Variants in LIPK observed in about 807,000 individuals in gnomAD.
LIPK encodes lipase family member K, also known as lipase member K.
A neutral mutation model predicts 48.6 loss-of-function variants in LIPK; 32 were observed. The ratio of observed to expected loss-of-function variants is 0.66; its 90% confidence interval spans 0.50 to 0.88. LIPK has a LOEUF of 0.88. LIPK is among the 40% of genes least tolerant of loss of function. LIPK has a pLI of 0.00. For synonymous variants in LIPK, 164 were observed against 157.4 expected (o/e 1.04, Z -0.32); for missense variants, 507 against 478.5 (o/e 1.06, Z -0.56).
rs761033487 is a variant in LIPK at position 88,743,720 on chromosome 10, G to A, written c.960+399G>A. ...AGAAGAAAGGCATTGAGAGTGAATGGAGGTAGGATGTGGAGCCTGGGCTAG... is the reference window on the plus strand; with the variant it reads ...AGAAGAAAGGCATTGAGAGTGAATGAAGGTAGGATGTGGAGCCTGGGCTAG... On this transcript the variant is annotated intron_variant, in intron 9 of 9. Coordinates refer to ENST00000404190, the MANE Select transcript of LIPK (RefSeq NM_001080518.2). Among the ~76,000 whole-genome samples, 4 of 152,310 alleles carry A rather than the reference G, an allele frequency of 2.6e-5. No individual in the cohort carries two copies. In the East Asian group the frequency reaches 7.7e-4, roughly 29 times the overall value.
chr10:88,727,920 C>T (rs1842377644), intron 3 of LIPK: 1 of 366,600 alleles, frequency 2.7e-6, no homozygotes, highest in Non-Finnish European at 5.3e-6. Flanking sequence ...CAGAAGACAG[C>T]TGGGAGAACG....
At chr10:88,713,846 C>A (rs1842067515) in intron 1 of LIPK, among the ~76,000 whole-genome samples, 2 of 151,772 alleles carry the variant, frequency 1.3e-5, no homozygotes. Context: ...AGGGCAGAGG[C>A]AGGAGAATCA....
chr10:88,739,868 A>AAAATAC, intron 7 of LIPK, 128 bp from the exon 8 acceptor site: 1 of 543,802 alleles, frequency 1.8e-6, no homozygotes, highest in East Asian at 3.4e-5. Flanking sequence ...AATAAAAATA[A>AAAATAC]AAATAAAAAT....
rs73350707 is a variant in LIPK, at chr10:88,709,934, G to C, written c.-12+3614G>C. Among the ~76,000 whole-genome samples, 1,042 of 151,530 alleles carry C rather than the reference G, an allele frequency of 6.9e-3. 6 individuals carry two copies. The highest frequency in any genetic ancestry group is 0.024 in the Middle Eastern group (7 of 292). On this transcript the variant is annotated intron_variant, in intron 1 of 9. Transcript: ENST00000404190. ...AAAAGAGTGTAGATGAGAGTCAAAG[G>C]TCTAGAATTTCATTCTTTTAAAACT...
At chr10:88,712,322 AT>A (rs1219196648) in intron 1 of LIPK, among the ~76,000 whole-genome samples, 1 of 152,124 alleles carries the variant, frequency 6.6e-6, no homozygotes, top group Non-Finnish European at 1.5e-5. Context: ...TGTTTCAGTA[AT>A]TTTTTTAGCT....
chr10:88,725,201 C>A (rs1047113050), intron 2 of LIPK, among the ~76,000 whole-genome samples: 11 of 152,288 alleles, frequency 7.2e-5, no homozygotes, highest in African/African-American at 2.4e-4. Flanking sequence ...CTGTACCATA[C>A]GCAAGTTGTA....
chr10:88,725,492 T>C (rs1047593140), intron 2 of LIPK, among the ~76,000 whole-genome samples: 1 of 152,250 alleles, frequency 6.6e-6, no homozygotes, highest in Non-Finnish European at 1.5e-5. Context: ...CTCTTCACCA[T>C]TGCTCTGTGT....
intron 7 of LIPK, among the ~76,000 whole-genome samples, chr10:88,738,961 G>T (rs773361979): frequency 6.6e-6 from 1 of 152,164 alleles, no homozygotes; most frequent in Non-Finnish European, 1.5e-5. Flanking sequence ...TTTTTATTCA[G>T]TACATTTGGA....
intron 1 of LIPK, among the ~76,000 whole-genome samples, chr10:88,721,413 G>C (rs1413893073): frequency 1.3e-5 from 2 of 152,198 alleles, no homozygotes; most frequent in African/African-American, 4.8e-5. Flanking sequence ...TGGAAGACAG[G>C]CTGTTTAGAT....
rs572883808 is a variant in LIPK, at chr10:88,730,923, T to C, written c.224-60T>C. On this transcript the variant is annotated intron_variant, in intron 3 of 9. Transcript: ENST00000404190. ...ATACTACAGAAATTCAGGAATGAGA[T>C]TTTTCTTGTAGACACTGAGAAAGTT... 3.0e-5 allele frequency: 42 copies of C among 1,400,920 alleles called. 1 individual carries two copies. In the African/African-American group the frequency reaches 5.5e-4, roughly 18 times the overall value. 86.8% of individuals were successfully genotyped at this position (1,400,920 alleles called of 1,614,324 possible). A position where few individuals can be genotyped will look rare whatever the true frequency, so the allele number is the denominator to read the frequency against.
Position 88,731,071 on chromosome 10 carries a change from C to T in LIPK, c.312C>T (p.Phe104=), listed in dbSNP as rs267602612. 1 of 1,604,752 alleles carries T rather than the reference C, an allele frequency of 6.2e-7. No individual in the cohort carries two copies. Residue 104 remains phenylalanine, a synonymous_variant, in exon 4 of 10, where the codon TTC becomes TTT. Transcript: ENST00000404190. ...ICNLPNNSLA[F]LLADSGYDVW... ...ACCTGCCCAACAACAGTTTGGCTTT[C>T]CTTCTGGCAGATAGTGGTTATGACG...
chr10:88,747,219 T>C (rs1842781187), intron 9 of LIPK, among the ~76,000 whole-genome samples: 1 of 152,162 alleles, frequency 6.6e-6, no homozygotes, highest in Non-Finnish European at 1.5e-5. Context: ...ATTGAAATAA[T>C]TCCAAAAAAT....
At chr10:88,707,852 A>G (rs1179319008) in intron 1 of LIPK, among the ~76,000 whole-genome samples, 2 of 152,114 alleles carry the variant, frequency 1.3e-5, no homozygotes, top group African/African-American at 4.8e-5. Flanking sequence ...AGCAATTTAA[A>G]TCTAGTTTCT....
intron 1 of LIPK, among the ~76,000 whole-genome samples, chr10:88,720,259 C>A (rs539130391): frequency 1.3e-5 from 2 of 152,086 alleles, no homozygotes; most frequent in African/African-American, 4.8e-5. Context: ...TTAGCCTTTC[C>A]TTCATTATAT....
chr10:88,741,279 C>G (rs2134772641), intron 8 of LIPK, among the ~76,000 whole-genome samples: 1 of 152,276 alleles, frequency 6.6e-6, no homozygotes, highest in Middle Eastern at 3.4e-3. Flanking sequence ...GGCTGAAGTA[C>G]AGTGGTAGAA....
intron 1 of LIPK, among the ~76,000 whole-genome samples, chr10:88,717,120 G>T (rs745347196): frequency 6.6e-6 from 1 of 152,120 alleles, no homozygotes; most frequent in Non-Finnish European, 1.5e-5. Context: ...TTTGATTCCA[G>T]GATTTGTCTG....
rs112455914 is a variant in LIPK at position 88,717,620 on chromosome 10, G to A, written c.-11-6913G>A. 6.8e-3 allele frequency among the ~76,000 whole-genome samples: 1,042 copies of A among 152,214 alleles called. 6 individuals are homozygous for A. Among genetic ancestry groups the A allele is most frequent in the Middle Eastern group, 0.024 (7 of 294 alleles). On this transcript the variant is annotated intron_variant, in intron 1 of 9. Coordinates refer to ENST00000404190, the MANE Select transcript of LIPK (RefSeq NM_001080518.2). ...AATTGTGCATTGTGATAGAGAAGAG[G>A]ATAATAAACTTTTCCTCCTCAGCAC...
intron 3 of LIPK, among the ~76,000 whole-genome samples, 155 bp from the exon 4 acceptor site, chr10:88,730,828 G>A (rs1842449706): frequency 1.3e-5 from 2 of 152,180 alleles, no homozygotes; most frequent in Non-Finnish European, 2.9e-5. Context: ...ACTTACCCAA[G>A]TAAGTAGCTC....
chr10:88,751,529 A>T (rs1185943897), intron 9 of LIPK, among the ~76,000 whole-genome samples: 1 of 152,110 alleles, frequency 6.6e-6, no homozygotes, highest in Non-Finnish European at 1.5e-5. Context: ...CCAGCCAAAA[A>T]ATTTTAATGT....
Sources: gnomAD v4.1 joint callset for allele counts (sites outside exome capture counted in the v4.1 genomes callset) on GRCh38, gnomAD v4.1.1 for gene constraint, MANE v1.5 for transcripts, NCBI Gene and HGNC (gene_info 2026-07-23, HGNC 2026-07-21) for gene names.